The following WDFY4 variants were observed in gnomAD, a reference collection of about 807,000 sequenced individuals.
WDFY4 encodes the protein WDFY family member 4, also known as WD repeat- and FYVE domain-containing protein 4.
Under a neutral mutation model 351.9 loss-of-function variants are expected in WDFY4, and 169 were observed. That is an observed-to-expected ratio of 0.48 (90% CI 0.42 to 0.55). The LOEUF (loss-of-function observed/expected upper bound fraction) is 0.55, where lower values mean the gene tolerates loss of function less well. WDFY4 is among the 20% of genes least tolerant of loss of function. The probability of loss-of-function intolerance (pLI) is 0.00; values close to 1 mark genes in which losing one functional copy is unlikely to be tolerated. For missense variants in WDFY4, 3,803 were observed against 3,935.6 expected (o/e 0.97, Z 0.90); for synonymous variants, 1,622 against 1,574.6 (o/e 1.03, Z -0.71).
intron 47 of WDFY4, among the ~76,000 whole-genome samples, chr10:48,937,137 G>A (rs1023957663): frequency 2.6e-4 from 40 of 151,976 alleles, no homozygotes; most frequent in African/African-American, 3.6e-4. Flanking sequence ...CAGGTGATCC[G>A]CCCACCTCGG....
chr10:48,691,160 C>T (rs1444729765), intron 1 of WDFY4, among the ~76,000 whole-genome samples: 2 of 152,150 alleles, frequency 1.3e-5, no homozygotes, highest in Non-Finnish European at 2.9e-5. Context: ...TCAACAGGAG[C>T]TCCCCCTGTT....
At chr10:48,712,560 G>C (rs2063794667) in intron 2 of WDFY4, among the ~76,000 whole-genome samples, 1 of 152,114 alleles carries the variant, frequency 6.6e-6, no homozygotes, top group African/African-American at 2.4e-5. Context: ...ATTACATTCT[G>C]ACGGACTAAT....
chr10:48,912,260 T>C (rs763685976), intron 47 of WDFY4, among the ~76,000 whole-genome samples: 1 of 152,238 alleles, frequency 6.6e-6, no homozygotes, highest in Non-Finnish European at 1.5e-5. Context: ...AACTAAGTTA[T>C]GGTTCTGGAA....
At chr10:48,692,261 T>C (rs1285926225) in intron 1 of WDFY4, among the ~76,000 whole-genome samples, 3 of 152,234 alleles carry the variant, frequency 2.0e-5, no homozygotes, top group Non-Finnish European at 4.4e-5. Context: ...GATTCTTGTA[T>C]TTCCTTTTAG....
intron 58 of WDFY4, 107 bp downstream of exon 58, chr10:48,975,148 GC>G (rs1842511872): frequency 7.0e-7 from 1 of 1,430,042 alleles, no homozygotes. Context: ...ACCCCAGAAT[GC>G]TGAGAGGGCC....
chr10:48,818,359 G>A (rs1364522976), intron 32 of WDFY4, among the ~76,000 whole-genome samples: 1 of 152,240 alleles, frequency 6.6e-6, no homozygotes, highest in African/African-American at 2.4e-5. Context: ...TGAGCAACAT[G>A]CTCTCTTAGC....
intron 24 of WDFY4, among the ~76,000 whole-genome samples, chr10:48,800,708 T>TTCTC: frequency 7.1e-6 from 1 of 139,958 alleles, no homozygotes; most frequent in Non-Finnish European, 1.5e-5. Flanking sequence ...CTTTCTTTCT[T>TTCTC]TCTTTCTTTC....
Position 48,822,383 on chromosome 10 carries a change from G to A in WDFY4, c.5828G>A (p.Gly1943Asp). 6.5e-7 allele frequency: 1 copy of A among 1,542,540 alleles called. No homozygotes were observed. ...CACCTGTCCCCTCACTCCACAGACG[G>A]CAAAGAGCCTCAGCCAAGTGCAGAA... ...SGGDAAMFRD[G>D]KEPQPSAEAA... Residue 1943 changes from glycine (G) to aspartate (D), a missense_variant, in exon 35 of 62, where the codon GGC becomes GAC. Physicochemically the swap from Gly to Asp is moderately conservative, Grantham distance 94. Coordinates refer to ENST00000325239, the MANE Select transcript of WDFY4 (RefSeq NM_001394531.1).
At chr10:48,744,181 C>A (rs900147537) in intron 12 of WDFY4, among the ~76,000 whole-genome samples, 4 of 152,234 alleles carry the variant, frequency 2.6e-5, no homozygotes, top group East Asian at 3.8e-4. Flanking sequence ...CTACCCCAAC[C>A]CACTTGGGGT....
intron 1 of WDFY4, among the ~76,000 whole-genome samples, chr10:48,698,751 G>A (rs771252465): frequency 8.5e-5 from 13 of 152,186 alleles, no homozygotes; most frequent in Admixed American, 3.9e-4. Context: ...CAGGTCTGGC[G>A]GGTGAAGGGC....
intron 46 of WDFY4, among the ~76,000 whole-genome samples, chr10:48,900,842 T>G (rs373982807): frequency 2.0e-5 from 3 of 152,196 alleles, no homozygotes; most frequent in Admixed American, 6.5e-5. Flanking sequence ...ATACCATGGT[T>G]ATTTGTTTTT....
chr10:48,729,435 T>C lies in WDFY4; in HGVS notation c.975T>C (p.Tyr325=), dbSNP rs2064380378. 3.9e-6 allele frequency: 6 copies of C among 1,550,798 alleles called. No individual in the cohort carries two copies. The highest frequency in any genetic ancestry group is 4.4e-6 in the Non-Finnish European group (5 of 1,146,984). The part of the protein sequence containing the change: ...YPLLLKVLLR[Y]DGLTQSEVDP... ...CTGGCCTCATCTGTTCCCCCAGGTA[T>C]GATGGGCTGACCCAGAGCGAAGTGG... is the stretch of plus-strand genomic sequence containing the variant. Residue 325 remains tyrosine, a synonymous_variant, in exon 8 of 62, where the codon TAT becomes TAC. Transcript: ENST00000325239.
At chr10:48,786,976 G>A in intron 20 of WDFY4, 106 bp downstream of exon 20, 1 of 946,080 alleles carries the variant, frequency 1.1e-6, no homozygotes, top group Non-Finnish European at 1.6e-6. Flanking sequence ...GTTAAAGTCA[G>A]TCATTAGGGA....
rs775917699 is a variant in WDFY4 at position 48,774,687 on chromosome 10, A to G, written c.2768+15A>G. 6.4e-7 allele frequency: 1 copy of G among 1,551,564 alleles called. No homozygotes were observed. The highest frequency in any genetic ancestry group is 1.2e-5 in the South Asian group (1 of 84,052). ...GATGTGCTAAGGTACCACATGCTGCATATTCAGTGCCGCCAAGCTGGGCAG... is the reference window on the plus strand; with the variant it reads ...GATGTGCTAAGGTACCACATGCTGCGTATTCAGTGCCGCCAAGCTGGGCAG... On this transcript the variant is annotated intron_variant, in intron 14 of 61. Transcript: ENST00000325239.
At chr10:48,692,693 G>A (rs956775466) in intron 1 of WDFY4, among the ~76,000 whole-genome samples, 9 of 152,202 alleles carry the variant, frequency 5.9e-5, no homozygotes, top group Non-Finnish European at 8.8e-5. Flanking sequence ...GGGAATTAAT[G>A]CAGGCCAACC....
At chr10:48,775,338 C>T (rs752270522) in intron 14 of WDFY4, among the ~76,000 whole-genome samples, 1 of 152,158 alleles carries the variant, frequency 6.6e-6, no homozygotes, top group Non-Finnish European at 1.5e-5. Context: ...GTGTAGAGGG[C>T]GCACAGACAG....
chr10:48,915,504 G>A (rs1454450149), intron 47 of WDFY4, among the ~76,000 whole-genome samples: 1 of 152,102 alleles, frequency 6.6e-6, no homozygotes, highest in African/African-American at 2.4e-5. Context: ...TCCCTGCAGG[G>A]ATGGGCAGGG....
chr10:48,863,627 T>A (rs2069423781), intron 39 of WDFY4, among the ~76,000 whole-genome samples: 1 of 152,224 alleles, frequency 6.6e-6, no homozygotes, highest in Admixed American at 6.5e-5. Context: ...ATTTATAATT[T>A]TTTTTTCATT....
intron 12 of WDFY4, chr10:48,745,588 A>ACGTTCTTTTT (rs1268024297): frequency 2.0e-6 from 1 of 504,298 alleles, no homozygotes; most frequent in African/African-American, 2.0e-5. Context: ...TTTCTTCTCC[A>ACGTTCTTTTT]CGTTCTTTTT....
Sources: allele counts gnomAD v4.1 joint callset (sites outside exome capture counted in the v4.1 genomes callset), GRCh38; gene constraint gnomAD v4.1.1; transcripts MANE v1.5; gene names NCBI Gene and HGNC (gene_info 2026-07-23, HGNC 2026-07-21).